The following TNNI3K variants were observed in gnomAD, a reference collection of about 807,000 sequenced individuals.
TNNI3K encodes the protein serine/threonine-protein kinase TNNI3K.
Under a neutral mutation model 114.5 loss-of-function variants are expected in TNNI3K, and 140 were observed. The ratio of observed to expected loss-of-function variants is 1.22; its 90% CI spans 1.07 to 1.41. The LOEUF is 1.41. Among genes scored for constraint, TNNI3K ranks in the 40% most tolerant of loss-of-function variants. TNNI3K has a pLI of 0.00. For synonymous variants in TNNI3K, 347 were observed against 347.5 expected, an observed-to-expected ratio of 1.00 and a Z score of 0.02; for missense variants, 1,125 against 1,007.6, an observed-to-expected ratio of 1.12 and a Z score of -1.58.
chr1:74,423,263 A>AT (rs36111558), intron 17 of TNNI3K, among the ~76,000 whole-genome samples: 1 of 150,946 alleles, frequency 6.6e-6, no homozygotes, highest in Non-Finnish European at 1.5e-5. Context: ...CTTAATCATC[A>AT]TTTTTTTGTG....
chr1:74,311,474 A>G (rs1658991589), intron 5 of TNNI3K, among the ~76,000 whole-genome samples: 1 of 152,150 alleles, frequency 6.6e-6, no homozygotes, highest in African/African-American at 2.4e-5. Flanking sequence ...TTCCATATGT[A>G]ACATCTTGTA....
At chr1:74,494,181 C>T (rs547241183) in intron 23 of TNNI3K, among the ~76,000 whole-genome samples, 1 of 152,256 alleles carries the variant, frequency 6.6e-6, no homozygotes, top group Non-Finnish European at 1.5e-5. Context: ...ACACTCACAC[C>T]CACACCTGCA....
intron 5 of TNNI3K, among the ~76,000 whole-genome samples, chr1:74,289,834 T>C (rs1657566914): frequency 6.6e-6 from 1 of 151,968 alleles, no homozygotes; most frequent in Non-Finnish European, 1.5e-5. Context: ...ACCAAATGCA[T>C]GACTCTGACA....
At chr1:74,248,351 C>T (rs1050820432) in intron 2 of TNNI3K, among the ~76,000 whole-genome samples, 2 of 152,162 alleles carry the variant, frequency 1.3e-5, no homozygotes, top group Non-Finnish European at 2.9e-5. Flanking sequence ...CAGAGAGGGG[C>T]TCCCACAGTG....
intron 5 of TNNI3K, among the ~76,000 whole-genome samples, chr1:74,305,696 A>C (rs1217956262): frequency 6.6e-6 from 1 of 152,188 alleles, no homozygotes; most frequent in Non-Finnish European, 1.5e-5. Context: ...TTCTTCAGCT[A>C]TTACAAAGCC....
intron 20 of TNNI3K, among the ~76,000 whole-genome samples, chr1:74,445,221 C>T (rs1346144329): frequency 6.9e-5 from 10 of 145,536 alleles, no homozygotes; most frequent in South Asian, 2.2e-4. Flanking sequence ...TTTTTTCTTT[C>T]TTTTTTTTTT....
intron 5 of TNNI3K, among the ~76,000 whole-genome samples, chr1:74,275,904 T>C (rs922545646): frequency 3.9e-5 from 6 of 152,110 alleles, no homozygotes; most frequent in Admixed American, 2.0e-4. Flanking sequence ...TTTCTCACTC[T>C]TTAAAGAAAA....
chr1:74,236,980 C>T (rs1168890917), intron 2 of TNNI3K, among the ~76,000 whole-genome samples: 1 of 151,844 alleles, frequency 6.6e-6, no homozygotes, highest in African/African-American at 2.4e-5. Flanking sequence ...GTAATGCACT[C>T]ATGGCAAAGA....
intron 17 of TNNI3K, chr1:74,372,790 A>T (rs1294313930): frequency 6.6e-6 from 1 of 151,876 alleles, no homozygotes; most frequent in African/African-American, 2.4e-5. Flanking sequence ...GTTATGTGCA[A>T]GTTGTTACCA....
chr1:74,349,105 C>T (rs1174553541), intron 9 of TNNI3K, among the ~76,000 whole-genome samples: 2 of 152,110 alleles, frequency 1.3e-5, no homozygotes, highest in African/African-American at 4.8e-5. Context: ...CCAGTTTTTG[C>T]CCATTCAGTA....
chr1:74,472,766 G>A (rs1349499646), intron 21 of TNNI3K, among the ~76,000 whole-genome samples: 3 of 152,018 alleles, frequency 2.0e-5, no homozygotes, highest in Non-Finnish European at 4.4e-5. Flanking sequence ...AAATAAATAG[G>A]TATTTTGAAA....
intron 2 of TNNI3K, among the ~76,000 whole-genome samples, chr1:74,248,414 T>C (rs1654723019): frequency 6.6e-6 from 1 of 152,158 alleles, no homozygotes; most frequent in Non-Finnish European, 1.5e-5. Context: ...CACCGTGGCC[T>C]GAGGAGGTGC....
intron 17 of TNNI3K, among the ~76,000 whole-genome samples, chr1:74,388,285 AT>A (rs1010034222): frequency 4.3e-4 from 65 of 150,766 alleles, no homozygotes; most frequent in East Asian, 2.7e-3. Flanking sequence ...CACAAAAAAA[AT>A]AATAATAATT....
At chr1:74,243,601 G>T (rs892272937) in intron 2 of TNNI3K, among the ~76,000 whole-genome samples, 8 of 152,232 alleles carry the variant, frequency 5.3e-5, no homozygotes, top group African/African-American at 1.9e-4. Context: ...TTGTGGTCAT[G>T]TTAGATATCT....
At chr1:74,495,802 T>C (rs994137689) in intron 23 of TNNI3K, among the ~76,000 whole-genome samples, 1 of 152,180 alleles carries the variant, frequency 6.6e-6, no homozygotes, top group African/African-American at 2.4e-5. Context: ...TGCCAATACT[T>C]GTATTTGCTG....
At chr1:74,373,271 G>C (rs1330139802) in intron 17 of TNNI3K, 1 of 151,906 alleles carries the variant, frequency 6.6e-6, no homozygotes, top group Non-Finnish European at 1.5e-5. Context: ...TGAAAGTTGA[G>C]TAGAATGCTT....
intron 17 of TNNI3K, among the ~76,000 whole-genome samples, chr1:74,407,522 AT>A (rs1402001000): frequency 6.6e-6 from 1 of 152,124 alleles, no homozygotes; most frequent in East Asian, 1.9e-4. Context: ...ACAGTCATAG[AT>A]TTTGTTGTAT....
chr1:74,306,866 T>C (rs1291258530), intron 5 of TNNI3K, among the ~76,000 whole-genome samples: 1 of 152,222 alleles, frequency 6.6e-6, no homozygotes, highest in Non-Finnish European at 1.5e-5. Flanking sequence ...TTAGTTTGAT[T>C]AAGTCCCACT....
chr1:74,365,182 A>G (rs1327471033), intron 11 of TNNI3K, among the ~76,000 whole-genome samples: 1 of 152,072 alleles, frequency 6.6e-6, no homozygotes, highest in East Asian at 1.9e-4. Context: ...TCTTTACAAC[A>G]ATCTTACAAG....
Sources: gnomAD v4.1 joint callset for allele counts (sites outside exome capture counted in the v4.1 genomes callset) on GRCh38, gnomAD v4.1.1 for gene constraint, MANE v1.5 for transcripts, NCBI Gene and HGNC (gene_info 2026-07-23, HGNC 2026-07-21) for gene names.